Variants in CDH3 observed in about 807,000 individuals in gnomAD.
CDH3 encodes the protein cadherin 3, also known as cadherin-3.
CDH3 carries 54 observed loss-of-function variants against 82.0 expected under a neutral mutation model. The ratio of observed to expected loss-of-function variants is 0.66; its 90% CI spans 0.53 to 0.83. CDH3 has a LOEUF of 0.83. CDH3 is among the 40% of genes least tolerant of loss of function. The pLI is 0.00. For missense variants in CDH3, 1,054 were observed against 1,084.6 expected (o/e 0.97, Z 0.40); for synonymous variants, 446 against 437.9 (o/e 1.02, Z -0.23).
At chr16:68,650,951 AAAAG>A (rs1960225112) in intron 2 of CDH3, 2 of 202,100 alleles carry the variant, frequency 9.9e-6, no homozygotes, top group Non-Finnish European at 2.0e-5. Flanking sequence ...AAAAAAAAAA[AAAAG>A]AAGAGGAAAA....
chr16:68,706,495 C>T (rs561203484), intron 1 of CDH3, among the ~76,000 whole-genome samples: 10 of 149,380 alleles, frequency 6.7e-5, no homozygotes, highest in Non-Finnish European at 1.5e-4. Context: ...GGGGACAGAA[C>T]TGGGGAAGGC....
At chr16:68,653,417 A>G (rs1169886684) in intron 2 of CDH3, among the ~76,000 whole-genome samples, 1 of 151,238 alleles carries the variant, frequency 6.6e-6, no homozygotes, top group Non-Finnish European at 1.5e-5. Context: ...TTATATTTTT[A>G]GTAGAGATGG....
chr16:68,731,595 G>C (rs1028187295), downstream of CDH3, among the ~76,000 whole-genome samples: 1 of 149,380 alleles, frequency 6.7e-6, no homozygotes, highest in African/African-American at 2.5e-5. Context: ...CCAGCACTTT[G>C]GGAGGCCAAG....
downstream of CDH3, among the ~76,000 whole-genome samples, chr16:68,731,535 C>A (rs1962293924): frequency 1.8e-5 from 1 of 56,686 alleles, no homozygotes; most frequent in Admixed American, 2.0e-4. Flanking sequence ...CACACACACA[C>A]ACACATATAT....
At chr16:68,694,600 C>T (rs940118990) in intron 13 of CDH3, among the ~76,000 whole-genome samples, 4 of 139,520 alleles carry the variant, frequency 2.9e-5, no homozygotes, top group South Asian at 2.4e-4. Context: ...CTAGCCTGGG[C>T]GACAAGAGTG....
chr16:68,695,804 G>C lies in CDH3; in HGVS notation c.2161G>C (p.Gly721Arg), dbSNP rs756963897. Residue 721 changes from glycine to arginine, a missense_variant, in exon 15 of 16, where the codon GGT (glycine) becomes CGT (arginine). Gly to Arg is a moderately radical substitution (Grantham distance 125). Coordinates refer to ENST00000264012, the MANE Select transcript of CDH3 (RefSeq NM_001793.6). ...CTATGACATCACCCAGCTCCACCGA[G>C]GTCTGGAGGCCAGGCCGGAGGTGGT... ...QDYDITQLHR[G>R]LEARPEVVLR... 6.2e-7 allele frequency: 1 copy of C among 1,614,162 alleles called. No homozygotes were observed. The highest frequency in any genetic ancestry group is 1.7e-5 in the Admixed American group (1 of 60,026).
intron 1 of CDH3, among the ~76,000 whole-genome samples, chr16:68,719,689 C>T (rs949930254): frequency 6.6e-6 from 1 of 151,630 alleles, no homozygotes; most frequent in Admixed American, 6.6e-5. Context: ...TTATTAGAGA[C>T]GGGGTTTCAC....
intron 2 of CDH3, among the ~76,000 whole-genome samples, chr16:68,653,898 T>C (rs1248539246): frequency 6.6e-6 from 1 of 151,496 alleles, no homozygotes; most frequent in Non-Finnish European, 1.5e-5. Context: ...TTTGTATTTT[T>C]AGTAGAGACG....
chr16:68,655,533 C>A (rs1012245781), intron 2 of CDH3, among the ~76,000 whole-genome samples: 3 of 152,134 alleles, frequency 2.0e-5, no homozygotes, highest in African/African-American at 7.2e-5. Context: ...CAAATAAGTA[C>A]AATATATGCA....
At chr16:68,667,038 C>T (rs1440055400) in intron 2 of CDH3, among the ~76,000 whole-genome samples, 1 of 152,088 alleles carries the variant, frequency 6.6e-6, no homozygotes, top group Admixed American at 6.6e-5. Flanking sequence ...AAGGTTGTGC[C>T]AGTTAATATT....
At chr16:68,655,908 T>C (rs573320538) in intron 2 of CDH3, among the ~76,000 whole-genome samples, 4 of 152,032 alleles carry the variant, frequency 2.6e-5, no homozygotes, top group South Asian at 2.1e-4. Flanking sequence ...AGGAGTGATA[T>C]AGAGTCACAT....
intron 2 of CDH3, among the ~76,000 whole-genome samples, chr16:68,649,188 G>T (rs1960169013): frequency 6.6e-6 from 1 of 152,104 alleles, no homozygotes; most frequent in African/African-American, 2.4e-5. Flanking sequence ...CAGCTTAATG[G>T]CAGTCAAACA....
intron 12 of CDH3, among the ~76,000 whole-genome samples, chr16:68,688,502 C>T (rs972257916): frequency 2.4e-4 from 36 of 152,136 alleles, no homozygotes; most frequent in African/African-American, 7.7e-4. Flanking sequence ...ACAGAAGAAT[C>T]GCTTGAAGCC....
intron 1 of CDH3, among the ~76,000 whole-genome samples, chr16:68,712,663 T>TCAGG (rs1328323226): frequency 6.6e-6 from 1 of 151,324 alleles, no homozygotes; most frequent in Admixed American, 6.6e-5. Context: ...AAATTTGAAC[T>TCAGG]CAGGACCTCT....
Position 68,675,151 on chromosome 16 carries a change from A to C in CDH3, c.161-1234A>C, listed in dbSNP as rs189281853. The stretch of plus-strand genomic sequence containing the variant: ...AAGTAAAAATTGAAAGAAAAAAAAA[A>C]CCCTCATCTGTTATCCTTTCTTATT... On this transcript the variant is annotated intron_variant, in intron 2 of 15. Coordinates refer to ENST00000264012, the MANE Select transcript of CDH3 (RefSeq NM_001793.6). Among the ~76,000 whole-genome samples the C allele has an allele frequency of 3.7e-4, 57 of 152,072 alleles. No homozygotes were observed. In the East Asian group the frequency reaches 6.2e-3, roughly 17 times the overall value.
chr16:68,645,406 G>A lies in CDH3; in HGVS notation c.27G>A (p.Ala9=), dbSNP rs765263688. The A allele has an allele frequency of 3.7e-6, 6 of 1,613,342 alleles. No individual in the cohort carries two copies. The highest frequency in any genetic ancestry group is 3.3e-5 in the South Asian group (3 of 91,088). MGLPRGPL[A]SLLLLQVCWL... is the part of the protein sequence containing the mutation. ...TGGGGCTCCCTCGTGGACCTCTCGC[G>A]TCTCTCCTCCTTCTCCAGGTACTCC... The change falls in exon 1 of 16, where the codon GCG becomes GCA. Residue 9 remains alanine (A), a synonymous_variant. Transcript: ENST00000264012.
intron 4 of CDH3, 59 bp from the exon 5 acceptor site, chr16:68,678,442 T>C: frequency 6.2e-7 from 1 of 1,609,804 alleles, no homozygotes; most frequent in Non-Finnish European, 8.5e-7. Context: ...CAGAGGACTC[T>C]TTGTCACAGT....
intron 1 of CDH3, among the ~76,000 whole-genome samples, chr16:68,705,711 C>T (rs900010990): frequency 9.9e-5 from 15 of 151,476 alleles, no homozygotes; most frequent in Non-Finnish European, 1.5e-4. Flanking sequence ...CGTGAGCCGC[C>T]GTGCCCAGCC....
chr16:68,667,853 C>T (rs924424936), intron 2 of CDH3, among the ~76,000 whole-genome samples: 1 of 152,128 alleles, frequency 6.6e-6, no homozygotes, highest in Non-Finnish European at 1.5e-5. Flanking sequence ...TGTCTTCTAT[C>T]GAGTGCAGAT....
Sources: gnomAD v4.1 joint callset for allele counts (sites outside exome capture counted in the v4.1 genomes callset) on GRCh38, gnomAD v4.1.1 for gene constraint, MANE v1.5 for transcripts, NCBI Gene and HGNC (gene_info 2026-07-23, HGNC 2026-07-21) for gene names.